Variants in MARCHF11 observed in about 807,000 individuals in gnomAD.
The protein encoded by MARCHF11 is E3 ubiquitin-protein ligase MARCHF11.
MARCHF11 carries 29 observed loss-of-function variants against 37.3 expected under a neutral mutation model. The observed-to-expected ratio is 0.78, with a 90% CI of 0.58 to 1.06. The LOEUF is 1.06. Among genes scored for constraint, MARCHF11 ranks in the 50% least tolerant of loss-of-function variants. MARCHF11 has a pLI of 0.00. For missense variants in MARCHF11, 482 were observed against 533.4 expected (o/e 0.90, Z 0.95); for synonymous variants, 233 against 228.0 (o/e 1.02, Z -0.20).
intron 3 of MARCHF11, among the ~76,000 whole-genome samples, chr5:16,072,363 C>T (rs1225247541): frequency 8.5e-5 from 13 of 152,058 alleles, no homozygotes; most frequent in Admixed American, 6.6e-5. Context: ...ATGTTGAAGC[C>T]CTAATTCCCA....
chr5:16,140,392 A>G (rs1737682741), intron 2 of MARCHF11, among the ~76,000 whole-genome samples: 1 of 152,186 alleles, frequency 6.6e-6, no homozygotes, highest in Non-Finnish European at 1.5e-5. Flanking sequence ...AAATATTATA[A>G]TAAATGCAAA....
chr5:16,074,873 A>G (rs1484299668), intron 3 of MARCHF11, among the ~76,000 whole-genome samples: 1 of 152,188 alleles, frequency 6.6e-6, no homozygotes, highest in Non-Finnish European at 1.5e-5. Context: ...TTTCTCCAGG[A>G]GCACACACAA....
chr5:16,174,672 C>T (rs535610516), intron 2 of MARCHF11, among the ~76,000 whole-genome samples: 7 of 152,300 alleles, frequency 4.6e-5, no homozygotes, highest in Admixed American at 3.9e-4. Context: ...CTGGTGAGTT[C>T]TTGCATACAT....
intron 2 of MARCHF11, among the ~76,000 whole-genome samples, chr5:16,129,919 A>AAT (rs1250140592): frequency 2.0e-5 from 3 of 152,166 alleles, no homozygotes; most frequent in Non-Finnish European, 4.4e-5. Flanking sequence ...AAAAAACATA[A>AAT]ATAAAAAATT....
chr5:16,111,653 A>C (rs1446129775), intron 2 of MARCHF11, among the ~76,000 whole-genome samples: 1 of 152,242 alleles, frequency 6.6e-6, no homozygotes, highest in Non-Finnish European at 1.5e-5. Context: ...CCATTTTCTG[A>C]GGAGAAATTC....
At chr5:16,088,677 C>T (rs1191331200) in intron 3 of MARCHF11, among the ~76,000 whole-genome samples, 1 of 152,214 alleles carries the variant, frequency 6.6e-6, no homozygotes, top group Middle Eastern at 3.4e-3. Flanking sequence ...TTAAGATATT[C>T]TCCAAGCCAG....
At chr5:16,125,132 C>A (rs1737380588) in intron 2 of MARCHF11, among the ~76,000 whole-genome samples, 1 of 151,386 alleles carries the variant, frequency 6.6e-6, no homozygotes, top group Admixed American at 6.6e-5. Context: ...GGTGTTTAAG[C>A]CATACATCGT....
At chr5:16,132,398 C>T (rs1440124812) in intron 2 of MARCHF11, among the ~76,000 whole-genome samples, 1 of 152,152 alleles carries the variant, frequency 6.6e-6, no homozygotes, top group African/African-American at 2.4e-5. Context: ...TAGAAGTTTT[C>T]ACTTCACTTT....
At chr5:16,099,617 A>C (rs996688247) in intron 2 of MARCHF11, among the ~76,000 whole-genome samples, 11 of 152,180 alleles carry the variant, frequency 7.2e-5, no homozygotes, top group South Asian at 4.1e-4. Context: ...TTTTTTAAAA[A>C]GTTTTTTAAA....
chr5:16,113,053 A>G lies in MARCHF11; in HGVS notation c.694-21972T>C, dbSNP rs999333503. Among the ~76,000 whole-genome samples, 9 of 152,158 alleles carry G rather than the reference A, an allele frequency of 5.9e-5. 1 individual carries two copies. The highest frequency in any genetic ancestry group is 4.6e-4 in the Admixed American group (7 of 15,280). On this transcript the variant is annotated intron_variant, in intron 2 of 3. Transcript: ENST00000332432. The stretch of plus-strand genomic sequence containing the variant: ...AAAACAGACTAATACGTAACCAGAA[A>G]GCATGAATTTTATGGTACTCATGAT...
At chr5:16,075,625 G>A (rs1422886227) in intron 3 of MARCHF11, among the ~76,000 whole-genome samples, 2 of 151,962 alleles carry the variant, frequency 1.3e-5, no homozygotes, top group African/African-American at 4.8e-5. Flanking sequence ...GCTATCACTG[G>A]GATCTAAGGG....
rs555359138 is a variant in MARCHF11, at chr5:16,126,817, A to G, written c.694-35736T>C. On this transcript the variant is annotated intron_variant, in intron 2 of 3. Transcript: ENST00000332432. ...AAAATTCATTGTGTGTTCCAACCTT[A>G]AGGAACGGTATTTTCAAAAGCTCTG... Among the ~76,000 whole-genome samples the G allele has an allele frequency of 1.9e-4, 29 of 152,310 alleles. 1 individual carries two copies. Among genetic ancestry groups the G allele is most frequent in the Middle Eastern group, 3.4e-3 (1 of 294 alleles).
At chr5:16,152,672 G>A (rs967538202) in intron 2 of MARCHF11, among the ~76,000 whole-genome samples, 1 of 151,912 alleles carries the variant, frequency 6.6e-6, no homozygotes, top group African/African-American at 2.4e-5. Flanking sequence ...GAATCCAATT[G>A]CAGGAATTGG....
In MARCHF11 at chr5:16,168,778, GA is replaced by G. The variant is rs528959545; in HGVS notation, c.693+8947del. 4.0e-3 allele frequency among the ~76,000 whole-genome samples: 616 copies of G among 152,196 alleles called. 9 individuals are homozygous for G. Among genetic ancestry groups the G allele is most frequent in the African/African-American group, 0.014 (569 of 41,548 alleles). ...GAAGAAAGAGATGGAAGAAGGATAA[GA>G]CAGATATTTACTGAATGCTCAATAC... On this transcript the variant is annotated intron_variant, in intron 2 of 3. Transcript: ENST00000332432.
intron 2 of MARCHF11, among the ~76,000 whole-genome samples, chr5:16,113,898 G>A (rs1238845781): frequency 6.6e-6 from 1 of 151,994 alleles, no homozygotes; most frequent in East Asian, 1.9e-4. Context: ...CTGTATGTTT[G>A]TACCCAAACC....
At chr5:16,134,592 A>G (rs1737575962) in intron 2 of MARCHF11, among the ~76,000 whole-genome samples, 3 of 152,208 alleles carry the variant, frequency 2.0e-5, no homozygotes, top group African/African-American at 7.2e-5. Flanking sequence ...AGTATTTTGA[A>G]ATAAAACAAC....
At chr5:16,123,975 C>G (rs1737357688) in intron 2 of MARCHF11, among the ~76,000 whole-genome samples, 1 of 151,632 alleles carries the variant, frequency 6.6e-6, no homozygotes, top group Non-Finnish European at 1.5e-5. Flanking sequence ...AAGTCCAGCA[C>G]ACTACCTTCC....
chr5:16,117,874 T>A (rs1737246626), intron 2 of MARCHF11, among the ~76,000 whole-genome samples: 1 of 152,222 alleles, frequency 6.6e-6, no homozygotes, highest in Admixed American at 6.5e-5. Flanking sequence ...ATGTGGTACT[T>A]GGAAGATGCA....
chr5:16,179,403 G>A lies in MARCHF11; in HGVS notation c.173C>T (p.Thr58Ile), dbSNP rs1738429349. The A allele has an allele frequency of 7.0e-6, 8 of 1,140,666 alleles. No homozygotes were observed. Among genetic ancestry groups the A allele is most frequent in the Non-Finnish European group, 7.5e-6 (7 of 930,312 alleles). 70.7% of individuals were successfully genotyped at this position (1,140,666 alleles called of 1,614,324 possible). A position where few individuals can be genotyped will look rare whatever the true frequency, so the allele number is the denominator to read the frequency against. The change falls in exon 1 of 4, where the codon ACC becomes ATC. Residue 58 changes from threonine to isoleucine, a missense_variant. Transcript: ENST00000332432. ...GCTTGGCCCCGCGGCGCGCTCGGGG[G>A]TCTCGGGGGACGCGGGCAGCGGCGG... is the stretch of plus-strand genomic sequence containing the variant. The part of the protein sequence containing the change: ...YLPPLPASPE[T>I]PERAAGPSEP...
Sources: allele counts gnomAD v4.1 joint callset (sites outside exome capture counted in the v4.1 genomes callset), GRCh38; gene constraint gnomAD v4.1.1; transcripts MANE v1.5; gene names NCBI Gene and HGNC (gene_info 2026-07-23, HGNC 2026-07-21).